The following ANAPC4 variants were observed in gnomAD, a reference collection of about 807,000 sequenced individuals.
ANAPC4 encodes the protein anaphase-promoting complex subunit 4.
A neutral mutation model predicts 119.8 loss-of-function variants in ANAPC4; 63 were observed. The observed-to-expected ratio is 0.53, with a 90% CI of 0.43 to 0.65. The LOEUF (loss-of-function observed/expected upper bound fraction) is 0.65. Ranked by LOEUF, ANAPC4 falls within the 30% of genes least tolerant of loss-of-function variation. The pLI, the probability that ANAPC4 is intolerant of heterozygous loss-of-function variation, is 0.00. For missense variants in ANAPC4, 716 were observed against 945.1 expected, an observed-to-expected ratio of 0.76 and a Z score of 3.18; for synonymous variants, 283 against 318.6, an observed-to-expected ratio of 0.89 and a Z score of 1.19.
At chr4:25,396,486 C>A (rs1378479339) in intron 14 of ANAPC4, among the ~76,000 whole-genome samples, 178 bp from the exon 15 acceptor site, 1 of 152,214 alleles carries the variant, frequency 6.6e-6, no homozygotes, top group Non-Finnish European at 1.5e-5. Context: ...TCTGTAGTCA[C>A]ATTGACCAGA....
At chr4:25,415,128 G>C (rs1277318872) in intron 25 of ANAPC4, 2 of 211,056 alleles carry the variant, frequency 9.5e-6, no homozygotes, top group Non-Finnish European at 1.9e-5. Flanking sequence ...GCCTAACAGA[G>C]ACTTACTTTG....
chr4:25,381,928 C>G (rs1721753065), intron 3 of ANAPC4, among the ~76,000 whole-genome samples: 1 of 141,502 alleles, frequency 7.1e-6, no homozygotes, highest in Non-Finnish European at 1.5e-5. Context: ...GTGTGGGCTA[C>G]AAGAGTGAGA....
chr4:25,417,485 G>A (rs1560451374), intron 27 of ANAPC4, 131 bp from the exon 28 acceptor site: 4 of 949,002 alleles, frequency 4.2e-6, no homozygotes, highest in Non-Finnish European at 5.9e-6. Context: ...CACAACAGTT[G>A]CTAAAATTAT....
chr4:25,390,866 C>T (rs753573064), intron 8 of ANAPC4, 45 bp from the exon 9 acceptor site: 1 of 1,450,094 alleles, frequency 6.9e-7, no homozygotes, highest in African/African-American at 1.4e-5. Flanking sequence ...CAGCTTCAAC[C>T]TAGCAGTGAT....
intron 16 of ANAPC4, among the ~76,000 whole-genome samples, chr4:25,398,328 G>T (rs897897764): frequency 1.3e-5 from 2 of 152,182 alleles, no homozygotes; most frequent in African/African-American, 4.8e-5. Context: ...TAAGGTAGGG[G>T]ATTCAACTTT....
At chr4:25,407,459 G>C (rs1290955915) in intron 20 of ANAPC4, among the ~76,000 whole-genome samples, 1 of 152,092 alleles carries the variant, frequency 6.6e-6, no homozygotes, top group Non-Finnish European at 1.5e-5. Context: ...AAAATTAGCT[G>C]GGTGTGGTGG....
chr4:25,388,674 T>G, intron 5 of ANAPC4, 43 bp from the exon 6 acceptor site: 1 of 1,576,906 alleles, frequency 6.3e-7, no homozygotes, highest in South Asian at 1.2e-5. Flanking sequence ...AATATGTATT[T>G]TTACTAAGAG....
intron 2 of ANAPC4, among the ~76,000 whole-genome samples, 197 bp from the exon 3 acceptor site, chr4:25,380,177 T>G (rs1165563763): frequency 1.3e-5 from 2 of 152,250 alleles, no homozygotes; most frequent in Non-Finnish European, 2.9e-5. Flanking sequence ...GGTACAGGGT[T>G]AAATTAGACC....
intron 21 of ANAPC4, among the ~76,000 whole-genome samples, chr4:25,410,071 AG>A (rs1395439452): frequency 6.6e-6 from 1 of 152,206 alleles, no homozygotes; most frequent in Non-Finnish European, 1.5e-5. Flanking sequence ...TAGGATTTTG[AG>A]GGAAACTATA....
intron 4 of ANAPC4, among the ~76,000 whole-genome samples, chr4:25,386,412 C>T (rs1201632715): frequency 1.3e-5 from 2 of 151,854 alleles, no homozygotes; most frequent in East Asian, 3.9e-4. Flanking sequence ...GGGATTTCAC[C>T]ATGTTGGCCA....
At chr4:25,414,538 C>CA (rs1560449318) in intron 24 of ANAPC4, 34 bp downstream of exon 24, 2 of 1,581,878 alleles carry the variant, frequency 1.3e-6, no homozygotes, top group Admixed American at 3.6e-5. Context: ...CTTGAGTGAA[C>CA]AATACAATTT....
rs1463126778 is a variant in ANAPC4 at position 25,377,521 on chromosome 4, C to T, written c.94C>T (p.Arg32Trp). The stretch of plus-strand genomic sequence containing the variant: ...TATTTTCCTGGTCTGGTCGCCCAAG[C>T]GGGATCTCATTGCTTTGGCCAACAC... ...EIIFLVWSPKRDLIALANTAG... is the reference protein window; with the variant it reads ...EIIFLVWSPKWDLIALANTAG... Residue 32 changes from arginine to tryptophan, a missense_variant, in exon 2 of 29, where the codon CGG becomes TGG. Arg to Trp is a moderately radical substitution (Grantham distance 101). Coordinates refer to ENST00000315368, the MANE Select transcript of ANAPC4 (RefSeq NM_013367.3). The T allele has an allele frequency of 6.2e-7, 1 of 1,613,528 alleles. No homozygotes were observed. The highest frequency in any genetic ancestry group is 8.5e-7 in the Non-Finnish European group (1 of 1,179,860).
At chr4:25,400,418 G>A (rs955985190) in intron 16 of ANAPC4, among the ~76,000 whole-genome samples, 13 of 152,266 alleles carry the variant, frequency 8.5e-5, no homozygotes, top group Admixed American at 7.2e-4. Context: ...GATAGGGGAC[G>A]TTCCCTTCAA....
chr4:25,400,047 G>A (rs1722874700), intron 16 of ANAPC4, among the ~76,000 whole-genome samples: 1 of 152,212 alleles, frequency 6.6e-6, no homozygotes, highest in African/African-American at 2.4e-5. Flanking sequence ...CTTGATAAGA[G>A]CCACCTTAGG....
intron 3 of ANAPC4, chr4:25,380,697 G>T (rs1240581391): frequency 2.7e-6 from 1 of 371,638 alleles, no homozygotes; most frequent in Non-Finnish European, 4.8e-6. Context: ...ATAAAATCTG[G>T]CTTCTTGGCA....
intron 8 of ANAPC4, 25 bp from the exon 9 acceptor site, chr4:25,390,886 A>G (rs757940532): frequency 1.3e-5 from 20 of 1,555,846 alleles, no homozygotes; most frequent in Admixed American, 5.0e-5. Context: ...TACTAAATAT[A>G]CTAAGGGGTT....
intron 16 of ANAPC4, 107 bp from the exon 17 acceptor site, chr4:25,402,864 G>A (rs1723052575): frequency 1.9e-6 from 1 of 538,292 alleles, no homozygotes; most frequent in Non-Finnish European, 3.1e-6. Flanking sequence ...ACCCAGATAG[G>A]ATAAAATAGA....
Position 25,405,347 on chromosome 4 carries a change from G to A in ANAPC4, c.1271-226G>A, listed in dbSNP as rs999960179. 1.3e-5 allele frequency among the ~76,000 whole-genome samples: 2 copies of A among 152,016 alleles called. No individual in the cohort carries two copies. The highest frequency in any genetic ancestry group is 2.4e-5 in the African/African-American group (1 of 41,394). On this transcript the variant is annotated intron_variant, in intron 17 of 28. Transcript: ENST00000315368. The surrounding 1 kb of genome is among the most constrained non-coding windows in gnomAD (Gnocchi z 4.6). ...AACAGGTGGAATTGAAGAGGAAAAA[G>A]AATAGTTTAGAATGGTTAGACCAAC...
Position 25,394,503 on chromosome 4 carries a change from A to C in ANAPC4, c.941+129A>C. The C allele has an allele frequency of 3.0e-6, 3 of 1,002,344 alleles. No homozygotes were observed. In the South Asian group the frequency reaches 5.4e-5, roughly 18 times the overall value. The allele number at this position is 1,002,344 out of a possible 1,614,324, so 62.1% of individuals were successfully genotyped here. On this transcript the variant is annotated intron_variant, in intron 12 of 28. Transcript: ENST00000315368. ...TACATAATATTTTAATTGATACATA[A>C]TGTGTTACATACTTACGGGGTATAT...
Sources: allele counts gnomAD v4.1 joint callset (sites outside exome capture counted in the v4.1 genomes callset), GRCh38; gene constraint gnomAD v4.1.1; non-coding constraint Gnocchi (gnomAD v3.1); transcripts MANE v1.5; gene names NCBI Gene and HGNC (gene_info 2026-07-23, HGNC 2026-07-21).